Variants in VRK1 observed in about 807,000 individuals in gnomAD.
The protein encoded by VRK1 is VRK serine/threonine kinase 1.
A neutral mutation model predicts 57.1 loss-of-function variants in VRK1; 33 were observed. That is an observed-to-expected ratio of 0.58 (90% CI 0.44 to 0.77). The LOEUF is 0.77. VRK1 is among the 30% of genes least tolerant of loss of function. VRK1 has a pLI of 0.00. For missense variants in VRK1, 413 were observed against 477.3 expected, an observed-to-expected ratio of 0.87 and a Z score of 1.25; for synonymous variants, 137 against 147.8, an observed-to-expected ratio of 0.93 and a Z score of 0.53.
intron 12 of VRK1, among the ~76,000 whole-genome samples, chr14:96,876,979 T>C (rs1360853408): frequency 6.6e-6 from 1 of 152,036 alleles, no homozygotes; most frequent in East Asian, 1.9e-4. Flanking sequence ...CCAGGATTCA[T>C]GTGATATGAT....
intron 11 of VRK1, among the ~76,000 whole-genome samples, chr14:96,867,758 T>A (rs1371490579): frequency 6.6e-6 from 1 of 152,200 alleles, no homozygotes; most frequent in African/African-American, 2.4e-5. Context: ...TATAGATCTG[T>A]GGGCTTCTTC....
intron 1 of VRK1, among the ~76,000 whole-genome samples, chr14:96,828,587 C>A (rs773756047): frequency 6.6e-6 from 1 of 152,018 alleles, no homozygotes; most frequent in African/African-American, 2.4e-5. Context: ...TGAGTGTGCC[C>A]GATCTCGTCT....
intron 1 of VRK1, among the ~76,000 whole-genome samples, chr14:96,815,297 A>G (rs1434809294): frequency 6.6e-6 from 1 of 152,216 alleles, no homozygotes; most frequent in Non-Finnish European, 1.5e-5. Context: ...ATGGTGAAGA[A>G]CAAGGTGTAT....
chr14:96,833,763 C>A, intron 2 of VRK1, 132 bp downstream of exon 2: 2 of 1,295,516 alleles, frequency 1.5e-6, no homozygotes, highest in Non-Finnish European at 1.1e-6. Flanking sequence ...TCTGATTAAG[C>A]AAAAATGCAT....
At chr14:96,865,276 T>G (rs771449901) in intron 11 of VRK1, among the ~76,000 whole-genome samples, 5 of 152,202 alleles carry the variant, frequency 3.3e-5, no homozygotes, top group Non-Finnish European at 7.3e-5. Context: ...CTTTTGGATA[T>G]CTAGTTGATC....
chr14:96,836,633 C>T (rs1887225732), intron 2 of VRK1, among the ~76,000 whole-genome samples: 1 of 151,544 alleles, frequency 6.6e-6, no homozygotes, highest in African/African-American at 2.4e-5. Context: ...AGTGATTCTC[C>T]CACCTCAGCC....
rs528045878 is a variant in VRK1 at position 96,839,907 on chromosome 14, A to G, written c.216+2090A>G. On this transcript the variant is annotated intron_variant, in intron 3 of 12. Transcript: ENST00000216639. Reference sequence around the variant, plus strand: ...GTCAATGTGGCAATTACATTGATTGATATTTGAGTGTTGACCGAACTTTGT... The same window carrying G: ...GTCAATGTGGCAATTACATTGATTGGTATTTGAGTGTTGACCGAACTTTGT... 4.6e-5 allele frequency among the ~76,000 whole-genome samples: 7 copies of G among 152,178 alleles called. No homozygotes were observed. The South Asian group carries it at 1.5e-3, about 32-fold the overall frequency.
intron 3 of VRK1, among the ~76,000 whole-genome samples, chr14:96,841,382 A>AC (rs907021577): frequency 3.3e-5 from 5 of 152,276 alleles, no homozygotes; most frequent in Non-Finnish European, 5.9e-5. Flanking sequence ...TAAGTTTAAG[A>AC]CCAAGTACCT....
intron 10 of VRK1, 73 bp from the exon 11 acceptor site, chr14:96,860,484 C>T (rs1239936293): frequency 7.1e-7 from 1 of 1,417,022 alleles, no homozygotes; most frequent in Non-Finnish European, 9.7e-7. Flanking sequence ...TTTACTATAA[C>T]CATGAATTAT....
chr14:96,816,702 GATTAA>G (rs1350895400), intron 1 of VRK1, among the ~76,000 whole-genome samples: 1 of 152,104 alleles, frequency 6.6e-6, no homozygotes, highest in Admixed American at 6.6e-5. Context: ...ACAAGGAACA[GATTAA>G]GTGACAGTAT....
chr14:96,871,782 CAAT>C (rs1888832121), intron 11 of VRK1, among the ~76,000 whole-genome samples: 1 of 152,214 alleles, frequency 6.6e-6, no homozygotes, highest in African/African-American at 2.4e-5. Flanking sequence ...TCATTGAAAA[CAAT>C]AAATCACTTT....
intron 1 of VRK1, among the ~76,000 whole-genome samples, chr14:96,826,451 C>CT (rs1886803264): frequency 6.6e-6 from 1 of 152,140 alleles, no homozygotes; most frequent in African/African-American, 2.4e-5. Flanking sequence ...TCTTGATGTG[C>CT]TTTTCAGTTG....
intron 3 of VRK1, among the ~76,000 whole-genome samples, chr14:96,845,053 C>T (rs182904648): frequency 1.2e-4 from 19 of 152,262 alleles, no homozygotes; most frequent in African/African-American, 4.3e-4. Flanking sequence ...GGCCTCATTA[C>T]TCACTTCCCC....
chr14:96,851,265 C>T (rs964085250), intron 5 of VRK1, among the ~76,000 whole-genome samples: 1 of 151,954 alleles, frequency 6.6e-6, no homozygotes, highest in African/African-American at 2.4e-5. Flanking sequence ...CTTAGCCTCC[C>T]GAGTTGCTGG....
chr14:96,810,058 G>A (rs1886111064), intron 1 of VRK1, among the ~76,000 whole-genome samples: 1 of 152,096 alleles, frequency 6.6e-6, no homozygotes, highest in Non-Finnish European at 1.5e-5. Flanking sequence ...GTTTTCGTGG[G>A]CATTTCTCTA....
intron 12 of VRK1, among the ~76,000 whole-genome samples, chr14:96,876,548 A>G (rs1446312379): frequency 6.6e-6 from 1 of 152,158 alleles, no homozygotes; most frequent in African/African-American, 2.4e-5. Flanking sequence ...AGGGTTAGTG[A>G]TAGAGACCAG....
At chr14:96,854,864 C>T (rs1052934424) in intron 7 of VRK1, among the ~76,000 whole-genome samples, 2 of 152,032 alleles carry the variant, frequency 1.3e-5, no homozygotes, top group Non-Finnish European at 1.5e-5. Flanking sequence ...CAAGTATTGA[C>T]GGTTTGCTCT....
chr14:96,862,663 G>T (rs1358081839), intron 11 of VRK1, among the ~76,000 whole-genome samples: 2 of 151,862 alleles, frequency 1.3e-5, no homozygotes, highest in Non-Finnish European at 2.9e-5. Context: ...GAAGTTGGGG[G>T]CTCCCTGCAA....
intron 1 of VRK1, among the ~76,000 whole-genome samples, chr14:96,807,978 T>TCTCC (rs1555357971): frequency 2.1e-4 from 16 of 77,866 alleles, no homozygotes; most frequent in African/African-American, 8.1e-4. Context: ...TCTCTCTCTG[T>TCTCC]CTCTCTCCCT....
Sources: gnomAD v4.1 joint callset for allele counts (sites outside exome capture counted in the v4.1 genomes callset) on GRCh38, gnomAD v4.1.1 for gene constraint, MANE v1.5 for transcripts, NCBI Gene and HGNC (gene_info 2026-07-23, HGNC 2026-07-21) for gene names.